Variants in MEX3D observed in about 807,000 individuals in gnomAD.
MEX3D encodes the protein mex-3 RNA binding family member D.
Under a neutral mutation model 6.3 loss-of-function variants are expected in MEX3D, and 4 were observed. That is an observed-to-expected ratio of 0.64 (90% CI 0.31 to 1.46). MEX3D has a LOEUF of 1.46. MEX3D is among the 40% of genes most tolerant of loss of function. MEX3D has a pLI of 0.07. For synonymous variants in MEX3D, 626 were observed against 494.1 expected (o/e 1.27, Z -3.54); for missense variants, 1,038 against 994.4 (o/e 1.04, Z -0.59).
rs961772592 is a variant in MEX3D at position 1,560,513 on chromosome 19, G to A, written c.596-3590C>T. Among the ~76,000 whole-genome samples, 4 of 152,336 alleles carry A rather than the reference G, an allele frequency of 2.6e-5. No individual in the cohort carries two copies. The South Asian group carries it at 8.3e-4, about 32-fold the overall frequency. ...CCCCAGAGGGTCACACGTGGGAGAG[G>A]CTGCCCCGACGTGGCCACCGCTGAG... On this transcript the variant is annotated intron_variant, in intron 1 of 1. Transcript: ENST00000402693.
rs1914536891 is a variant in MEX3D at position 1,556,039 on chromosome 19, C to T, written c.1480G>A (p.Ala494Thr). The T allele has an allele frequency of 4.5e-6, 6 of 1,322,022 alleles. No homozygotes were observed. Among genetic ancestry groups the T allele is most frequent in the Non-Finnish European group, 5.8e-6 (6 of 1,035,246 alleles). The allele number at this position is 1,322,022 out of a possible 1,614,324, so 81.9% of individuals were successfully genotyped here. A position where few individuals can be genotyped will look rare whatever the true frequency, so the allele number is the denominator to read the frequency against. ...AFSGCSTVNGAPGPPAAGARR... is the reference protein window; with the variant it reads ...AFSGCSTVNGTPGPPAAGARR... ...GCGCCGGCGGCGGGAGGTCCCGGGG[C>T]TCCGTTGACCGTGGAGCAGCCGCTG... The change falls in exon 2 of 2, where the codon GCC becomes ACC. Residue 494 changes from alanine (A) to threonine (T), a missense_variant. Coordinates refer to ENST00000402693, the MANE Select transcript of MEX3D (RefSeq NM_203304.4). The surrounding 1 kb of genome is among the most constrained non-coding windows in gnomAD (Gnocchi z 7.5).
intron 1 of MEX3D, among the ~76,000 whole-genome samples, chr19:1,562,354 A>AGCAC (rs1914741149): frequency 6.8e-6 from 1 of 147,142 alleles, no homozygotes; most frequent in African/African-American, 2.5e-5. Context: ...GTGAAACCCC[A>AGCAC]TCTCCACTAA....
At chr19:1,562,293 G>T (rs754689840) in intron 1 of MEX3D, among the ~76,000 whole-genome samples, 1 of 146,960 alleles carries the variant, frequency 6.8e-6, no homozygotes, top group African/African-American at 2.5e-5. Flanking sequence ...GGTGTGGACC[G>T]GGCACAGTGG....
At chr19:1,558,393 C>A (rs1403057633) in intron 1 of MEX3D, among the ~76,000 whole-genome samples, 2 of 150,832 alleles carry the variant, frequency 1.3e-5, no homozygotes, top group African/African-American at 2.4e-5. Flanking sequence ...AAAAAAAAGA[C>A]ACACACACAC....
chr19:1,567,545 T>C lies in MEX3D; in HGVS notation c.514A>G (p.Ser172Gly), dbSNP rs1408058280. The change falls in exon 1 of 2, where the codon AGC becomes GGC. Residue 172 changes from serine to glycine, a missense_variant. Physicochemically the swap from Ser to Gly is moderately conservative, Grantham distance 56. Coordinates refer to ENST00000402693, the MANE Select transcript of MEX3D (RefSeq NM_203304.4). This position sits in a 1 kb window ranked among gnomAD's most constrained non-coding sequence, Gnocchi z 6.5. Reference protein sequence around the residue: ...LLADQMSVIGSRKKSVNMTEC... With the variant: ...LLADQMSVIGGRKKSVNMTEC... ...GTCATGTTGACGCTTTTCTTGCGGC[T>C]GCCGATCACGCTCATCTGGTCGGCC... 4.5e-6 allele frequency: 7 copies of C among 1,556,146 alleles called. No individual in the cohort carries two copies. The highest frequency in any genetic ancestry group is 5.2e-6 in the Non-Finnish European group (6 of 1,153,952).
intron 1 of MEX3D, among the ~76,000 whole-genome samples, chr19:1,566,863 C>A (rs955936102): frequency 5.9e-5 from 9 of 152,260 alleles, no homozygotes; most frequent in East Asian, 1.9e-4. Context: ...AGGCTGCACC[C>A]CAGAAGTGGC....
At chr19:1,561,379 A>C (rs541394580) in intron 1 of MEX3D, among the ~76,000 whole-genome samples, 46 of 152,322 alleles carry the variant, frequency 3.0e-4, no homozygotes, top group African/African-American at 1.1e-3. Flanking sequence ...ACAAGGCCTC[A>C]CAGCCAACAC....
At chr19:1,566,249 C>T (rs905382090) in intron 1 of MEX3D, among the ~76,000 whole-genome samples, 1 of 152,198 alleles carries the variant, frequency 6.6e-6, no homozygotes, top group Non-Finnish European at 1.5e-5. Context: ...TTCCTGGGGC[C>T]AGCACCATGC....
chr19:1,556,342 C>T lies in MEX3D; in HGVS notation c.1177G>A (p.Asp393Asn). Residue 393 changes from aspartate (D) to asparagine (N), a missense_variant, in exon 2 of 2, where the codon GAC becomes AAC. This residue lies in a region of MEX3D where 581 missense variants were observed against 516.2 expected (regional missense o/e 1.13). Transcript: ENST00000402693. The surrounding 1 kb of genome is among the most constrained non-coding windows in gnomAD (Gnocchi z 7.5). ...PPTATAGLRG[D>N]TALGAPSAPE... ...GCGCTGGGGGCGCCCAGGGCCGTGT[C>T]CCCGCGGAGGCCGGCCGTGGCCGTG... is the stretch of plus-strand genomic sequence containing the variant. 1 of 1,402,166 alleles carries T rather than the reference C, an allele frequency of 7.1e-7. No homozygotes were observed. The highest frequency in any genetic ancestry group is 9.2e-7 in the Non-Finnish European group (1 of 1,086,762). The allele number at this position is 1,402,166 out of a possible 1,614,324, so 86.9% of individuals were successfully genotyped here.
At chr19:1,564,714 G>A (rs989666565) in intron 1 of MEX3D, among the ~76,000 whole-genome samples, 14 of 152,192 alleles carry the variant, frequency 9.2e-5, no homozygotes, top group Admixed American at 9.2e-4. Flanking sequence ...CTGGTGCCAG[G>A]CCTGTGTGAC....
chr19:1,565,251 A>C (rs1399220583), intron 1 of MEX3D, among the ~76,000 whole-genome samples: 1 of 152,060 alleles, frequency 6.6e-6, no homozygotes, highest in Non-Finnish European at 1.5e-5. Flanking sequence ...AAAACAAATA[A>C]ATAAAACTGG....
rs916950772 is a variant in MEX3D at position 1,567,270 on chromosome 19, G to C, written c.595+194C>G. Among the ~76,000 whole-genome samples, 20 of 151,894 alleles carry C rather than the reference G, an allele frequency of 1.3e-4. No homozygotes were observed. Among genetic ancestry groups the C allele is most frequent in the Non-Finnish European group, 7.4e-5 (5 of 67,930 alleles). On this transcript the variant is annotated intron_variant, in intron 1 of 1. Coordinates refer to ENST00000402693, the MANE Select transcript of MEX3D (RefSeq NM_203304.4). The surrounding 1 kb of genome is among the most constrained non-coding windows in gnomAD (Gnocchi z 6.5). ...GCCGGAGCGCGCAGGGGAGGAGCGC[G>C]GGCTGCGCCCAACTTTCTCCCGCGG... is the stretch of plus-strand genomic sequence containing the variant.
chr19:1,556,684 G>A lies in MEX3D; in HGVS notation c.835C>T (p.Arg279Cys). 6.2e-7 allele frequency: 1 copy of A among 1,610,706 alleles called. No individual in the cohort carries two copies. Among genetic ancestry groups the A allele is most frequent in the Non-Finnish European group, 8.5e-7 (1 of 1,178,828 alleles). Residue 279 changes from arginine to cysteine, a missense_variant, in exon 2 of 2, where the codon CGC becomes TGC. Transcript: ENST00000402693. This position sits in a 1 kb window ranked among gnomAD's most constrained non-coding sequence, Gnocchi z 7.5. ...AGCCCCACCACCCGGTAGGGCACGC[G>A]CACCTGGATGGTGGTCTGTCCGGGA... is the stretch of plus-strand genomic sequence containing the variant. ...NLPGQTTIQV[R>C]VPYRVVGLVV...
chr19:1,556,526 G>C lies in MEX3D; in HGVS notation c.993C>G (p.Arg331=). The C allele has an allele frequency of 6.2e-7, 1 of 1,606,320 alleles. No individual in the cohort carries two copies. The highest frequency in any genetic ancestry group is 8.5e-7 in the Non-Finnish European group (1 of 1,177,432). ...TGMPENVDRA[R]EEIEAHITLR... ...GCGTGATGTGCGCCTCGATCTCCTC[G>C]CGCGCGCGGTCCACGTTCTCGGGCA... The change falls in exon 2 of 2, where the codon CGC becomes CGG. Residue 331 remains arginine (R), a synonymous_variant. Transcript: ENST00000402693. The surrounding 1 kb of genome is among the most constrained non-coding windows in gnomAD (Gnocchi z 7.5).
chr19:1,559,298 ATTT>A (rs565139525), intron 1 of MEX3D, among the ~76,000 whole-genome samples: 2 of 151,922 alleles, frequency 1.3e-5, no homozygotes, highest in South Asian at 4.2e-4. Flanking sequence ...CACCCAGCTA[ATTT>A]TTTTTATTTT....
Position 1,567,407 on chromosome 19 carries a change from C to T in MEX3D, c.595+57G>A, listed in dbSNP as rs1000437577. The T allele has an allele frequency of 6.7e-7, 1 of 1,493,148 alleles. No individual in the cohort carries two copies. The highest frequency in any genetic ancestry group is 2.2e-5 in the Admixed American group (1 of 45,834). 92.5% of individuals were successfully genotyped at this position (1,493,148 alleles called of 1,614,324 possible). ...GGCTGGGCTCGGGCGACCCCCTTCC[C>T]CGGGGCGGACGGTGCGGGGACCCCC... On this transcript the variant is annotated intron_variant, in intron 1 of 1. Coordinates refer to ENST00000402693, the MANE Select transcript of MEX3D (RefSeq NM_203304.4). The surrounding 1 kb of genome is among the most constrained non-coding windows in gnomAD (Gnocchi z 6.5).
intron 1 of MEX3D, among the ~76,000 whole-genome samples, chr19:1,565,813 G>C (rs1205826888): frequency 6.6e-6 from 1 of 152,200 alleles, no homozygotes; most frequent in South Asian, 2.1e-4. Flanking sequence ...ATTTCCCATG[G>C]ACCTGCCCCT....
At chr19:1,559,718 T>C (rs994970191) in intron 1 of MEX3D, among the ~76,000 whole-genome samples, 2 of 152,126 alleles carry the variant, frequency 1.3e-5, no homozygotes, top group Non-Finnish European at 2.9e-5. Context: ...ATGAGCAGGA[T>C]CAGCACTTTT....
Position 1,567,461 on chromosome 19 carries a change from C to A in MEX3D, c.595+3G>T. 2.6e-6 allele frequency: 4 copies of A among 1,563,684 alleles called. No individual in the cohort carries two copies. Among genetic ancestry groups the A allele is most frequent in the Non-Finnish European group, 2.6e-6 (3 of 1,156,604 alleles). On this transcript the variant is annotated splice_donor_region_variant and intron_variant, in intron 1 of 1. Coordinates refer to ENST00000402693, the MANE Select transcript of MEX3D (RefSeq NM_203304.4). The surrounding 1 kb of genome is among the most constrained non-coding windows in gnomAD (Gnocchi z 6.5). ...ACAGCAACCCCCGACGAGGGCCACT[C>A]ACCCTGGCGACCCACGATCTCGGCG...
Sources: gnomAD v4.1 joint callset for allele counts (sites outside exome capture counted in the v4.1 genomes callset) on GRCh38, gnomAD v4.1.1 for gene constraint, gnomAD v4.1.1 regional missense constraint, Gnocchi (gnomAD v3.1) non-coding constraint, MANE v1.5 for transcripts, NCBI Gene and HGNC (gene_info 2026-07-23, HGNC 2026-07-21) for gene names.